PON1: variants seen among roughly 807,000 people sequenced by gnomAD.
PON1 encodes the protein paraoxonase 1, also known as serum paraoxonase/arylesterase 1.
In PON1, 37 loss-of-function variants were observed where a neutral mutation model predicts 39.2. That is an observed-to-expected ratio of 0.94 (90% CI 0.73 to 1.24). The LOEUF (loss-of-function observed/expected upper bound fraction) is 1.24. PON1 is among the 50% of genes most tolerant of loss of function. The pLI is 0.00. For missense variants in PON1, 397 were observed against 413.5 expected, an observed-to-expected ratio of 0.96 and a Z score of 0.35; for synonymous variants, 148 against 152.2, an observed-to-expected ratio of 0.97 and a Z score of 0.21.
chr7:95,308,475 CGTG>C (rs1214858795), intron 5 of PON1, among the ~76,000 whole-genome samples: 1 of 147,078 alleles, frequency 6.8e-6, no homozygotes, highest in Non-Finnish European at 1.5e-5. Context: ...AGTGTTACGT[CGTG>C]TGTGTGTGTG....
chr7:95,316,871 G>C (rs2116321355), intron 2 of PON1, 82 bp from the exon 3 acceptor site: 6 of 1,011,258 alleles, frequency 5.9e-6, no homozygotes, highest in Non-Finnish European at 9.5e-6. Flanking sequence ...CACCTCACTT[G>C]AAACTGGGGC....
At chr7:95,306,508 G>A in intron 6 of PON1, 142 bp from the exon 7 acceptor site, 1 of 700,192 alleles carries the variant, frequency 1.4e-6, no homozygotes. Flanking sequence ...ACCAAATTCT[G>A]AAAGAACTCA....
intron 1 of PON1, among the ~76,000 whole-genome samples, chr7:95,322,906 A>T (rs1481920670): frequency 6.6e-6 from 1 of 152,152 alleles, no homozygotes; most frequent in Non-Finnish European, 1.5e-5. Context: ...CAGCCCAGGC[A>T]TATATAGCTT....
In PON1 at chr7:95,316,716, G is replaced by C. The variant is rs995059108; in HGVS notation, c.201+18C>G. ...AGAAAACGTTCTAGAACACAGAAAA[G>C]TGAAAGAAAACACTCACAGAGCTAA... is the stretch of plus-strand genomic sequence containing the variant. On this transcript the variant is annotated intron_variant, in intron 3 of 8. Transcript: ENST00000222381. 3.1e-6 allele frequency: 5 copies of C among 1,608,538 alleles called. No individual in the cohort carries two copies. The African/African-American group carries it at 5.3e-5, about 17-fold the overall frequency.
At position 95,298,601 on chromosome 7, in the gene PON1, C is replaced by T; in HGVS notation, c.*343G>A. 7 of 380,548 alleles carry T rather than the reference C, an allele frequency of 1.8e-5. No homozygotes were observed. Among genetic ancestry groups the T allele is most frequent in the South Asian group, 1.5e-4 (7 of 45,920 alleles). The allele number at this position is 380,548 out of a possible 1,614,324, so 23.6% of individuals were successfully genotyped here. A position where few individuals can be genotyped will look rare whatever the true frequency, so the allele number is the denominator to read the frequency against. ...CAAGACATGGCAAGGCAGCGATACA[C>T]ACATGTGCTTCCAGGCAACACATGT... On this transcript the variant is annotated 3_prime_UTR_variant, in exon 9 of 9. Transcript: ENST00000222381.
chr7:95,302,111 A>C (rs1460205374), intron 8 of PON1, 94 bp downstream of exon 8: 18 of 844,252 alleles, frequency 2.1e-5, no homozygotes, highest in South Asian at 1.2e-4. Context: ...AAAAAAAAAA[A>C]AAAAAAAAAA....
In PON1 at chr7:95,298,815, TTGA is replaced by T; in HGVS notation, c.*126_*128del. The T allele has an allele frequency of 8.6e-7, 1 of 1,157,434 alleles. No homozygotes were observed. Among genetic ancestry groups the T allele is most frequent in the Non-Finnish European group, 1.3e-6 (1 of 779,244 alleles). The allele number at this position is 1,157,434 out of a possible 1,614,324, so 71.7% of individuals were successfully genotyped here. ...ATATCACTCCCAGTTAAACAGTGCT[TTGA>T]TGCTTCATGATGTCCACATTTAGGG... is the stretch of plus-strand genomic sequence containing the variant. On this transcript the variant is annotated 3_prime_UTR_variant, in exon 9 of 9. Coordinates refer to ENST00000222381, the MANE Select transcript of PON1 (RefSeq NM_000446.7).
intron 8 of PON1, 67 bp downstream of exon 8, chr7:95,302,138 A>G: frequency 1.2e-6 from 1 of 831,280 alleles, no homozygotes; most frequent in Non-Finnish European, 1.9e-6. Context: ...ATTGAGAATT[A>G]TGTTGTCAAC....
chr7:95,310,056 AC>A (rs1193154091), intron 5 of PON1, among the ~76,000 whole-genome samples: 13 of 152,318 alleles, frequency 8.5e-5, no homozygotes, highest in African/African-American at 3.1e-4. Flanking sequence ...AAATGTTAAA[AC>A]ACATAATTTT....
Position 95,324,487 on chromosome 7 carries a change from G to C in PON1, c.-12C>G. ...ATCAGCTTCGCCATGGTCGGGGATA[G>C]ACAAAGGGATCGATGGGCGCAGACA... On this transcript the variant is annotated 5_prime_UTR_variant, in exon 1 of 9. Coordinates refer to ENST00000222381, the MANE Select transcript of PON1 (RefSeq NM_000446.7). 6.2e-7 allele frequency: 1 copy of C among 1,613,738 alleles called. No homozygotes were observed. Among genetic ancestry groups the C allele is most frequent in the Non-Finnish European group, 8.5e-7 (1 of 1,179,714 alleles).
Position 95,299,047 on chromosome 7 carries a change from G to A in PON1, c.965C>T (p.Ala322Val). Residue 322 changes from alanine to valine, a missense_variant, in exon 9 of 9, where the codon GCA becomes GTA. Transcript: ENST00000222381. ...GCCTTGCAACACTGTGCCATTTTCT[G>A]CATAAACCTGTGTCACTTTAGGTTC... is the stretch of plus-strand genomic sequence containing the variant. ...TEEPKVTQVY[A>V]ENGTVLQGST... 1 of 1,614,042 alleles carries A rather than the reference G, an allele frequency of 6.2e-7. No homozygotes were observed. The highest frequency in any genetic ancestry group is 8.5e-7 in the Non-Finnish European group (1 of 1,179,892).
chr7:95,307,769 G>T (rs1337266415), intron 6 of PON1, among the ~76,000 whole-genome samples: 1 of 151,968 alleles, frequency 6.6e-6, no homozygotes, highest in African/African-American at 2.4e-5. Context: ...CTTCATCACA[G>T]TTCCCCCTCT....
intron 3 of PON1, among the ~76,000 whole-genome samples, chr7:95,316,477 GAACT>G (rs1807771352): frequency 6.6e-6 from 1 of 152,126 alleles, no homozygotes; most frequent in Non-Finnish European, 1.5e-5. Context: ...TGAATACACT[GAACT>G]CACAAAAAAA....
chr7:95,310,127 A>C (rs1003592948), intron 5 of PON1, among the ~76,000 whole-genome samples: 1 of 152,232 alleles, frequency 6.6e-6, no homozygotes, highest in Non-Finnish European at 1.5e-5. Flanking sequence ...CAGGATTAGA[A>C]TCACAGCTGC....
chr7:95,298,048 T>G lies in PON1; in HGVS notation c.*896A>C, dbSNP rs1328104094. The G allele has an allele frequency of 6.6e-6, 1 of 152,176 alleles. No homozygotes were observed. The highest frequency in any genetic ancestry group is 1.5e-5 in the Non-Finnish European group (1 of 68,040). The allele number at this position is 152,176 out of a possible 1,614,324, so 9.4% of individuals were successfully genotyped here. On this transcript the variant is annotated 3_prime_UTR_variant, in exon 9 of 9. Coordinates refer to ENST00000222381, the MANE Select transcript of PON1 (RefSeq NM_000446.7). The stretch of plus-strand genomic sequence containing the variant: ...GTTTACCTTTCTATTATTTTTTTTC[T>G]TTTCAGCCTCCACAACAAGAAGTTT...
Position 95,318,374 on chromosome 7 carries a change from G to T in PON1, c.94C>A (p.Arg32=). 6.2e-7 allele frequency: 1 copy of T among 1,608,932 alleles called. No homozygotes were observed. Among genetic ancestry groups the T allele is most frequent in the Non-Finnish European group, 8.5e-7 (1 of 1,175,488 alleles). Residue 32 remains arginine (R), a synonymous_variant, in exon 2 of 9, where the codon CGA becomes AGA. Coordinates refer to ENST00000222381, the MANE Select transcript of PON1 (RefSeq NM_000446.7). ...GGAAGTTCTACGGGTTGTACCTCTC[G>T]GAGAGCATTAAGTCGTGTTCTGTGG... The part of the protein sequence containing the change: ...SSYQTRLNAL[R]EVQPVELPNC...
chr7:95,311,830 A>G (rs964620588), intron 4 of PON1, among the ~76,000 whole-genome samples: 1 of 152,248 alleles, frequency 6.6e-6, no homozygotes, highest in African/African-American at 2.4e-5. Context: ...AAGAATGAGT[A>G]TCACTGACAC....
chr7:95,301,894 T>C (rs961822122), intron 8 of PON1, among the ~76,000 whole-genome samples: 1 of 146,924 alleles, frequency 6.8e-6, no homozygotes, highest in Non-Finnish European at 1.5e-5. Context: ...AAGACCATCC[T>C]GGCCAACAGG....
rs779211745 is a variant in PON1, at chr7:95,302,350, C to A, written c.781-17G>T. The A allele has an allele frequency of 4.4e-6, 7 of 1,597,734 alleles. No homozygotes were observed. The highest frequency in any genetic ancestry group is 6.0e-6 in the Non-Finnish European group (7 of 1,167,174). On this transcript the variant is annotated splice_polypyrimidine_tract_variant and intron_variant, in intron 7 of 8. Transcript: ENST00000222381. ...GTCAAGGGACTTAAAAGATTAAAAA[C>A]AAGAAAAGAACAAGACATAAAGTAA...
Sources: gnomAD v4.1 joint callset for allele counts (sites outside exome capture counted in the v4.1 genomes callset) on GRCh38, gnomAD v4.1.1 for gene constraint, MANE v1.5 for transcripts, NCBI Gene and HGNC (gene_info 2026-07-23, HGNC 2026-07-21) for gene names.